Variants in GRM2 observed in about 807,000 individuals in gnomAD.
The protein encoded by GRM2 is metabotropic glutamate receptor 2.
Under a neutral mutation model 60.4 loss-of-function variants are expected in GRM2, and 35 were observed. The ratio of observed to expected loss-of-function variants is 0.58; its 90% CI spans 0.44 to 0.77. The LOEUF is 0.77. GRM2 is among the 30% of genes least tolerant of loss of function. The pLI, the probability that GRM2 is intolerant of heterozygous loss-of-function variation, is 0.00. For synonymous variants in GRM2, 437 were observed against 484.1 expected, an observed-to-expected ratio of 0.90 and a Z score of 1.28; for missense variants, 925 against 1,199.5, an observed-to-expected ratio of 0.77 and a Z score of 3.38.
Position 51,716,234 on chromosome 3 carries a change from AG to A in GRM2, c.2364+99del. On this transcript the variant is annotated intron_variant, in intron 4 of 5. Transcript: ENST00000395052. This position sits in a 1 kb window ranked among gnomAD's most constrained non-coding sequence, Gnocchi z 4.0. ...CTACTGGTAGCTCTGGGGTTCCAAG[AG>A]GATAATGCCCACTCAGGGGACCACA... The A allele has an allele frequency of 1.2e-6, 1 of 824,650 alleles. No homozygotes were observed. Among genetic ancestry groups the A allele is most frequent in the Non-Finnish European group, 2.0e-6 (1 of 510,788 alleles). The allele number at this position is 824,650 out of a possible 1,614,324, so 51.1% of individuals were successfully genotyped here. A position where few individuals can be genotyped will look rare whatever the true frequency, so the allele number is the denominator to read the frequency against.
chr3:51,707,098 C>G lies in GRM2; in HGVS notation c.-206C>G, dbSNP rs1304729678. On this transcript the variant is annotated 5_prime_UTR_variant, in exon 1 of 6. Transcript: ENST00000395052. ...CAGAGCCAGCGAGCCAGCGAGCGAG[C>G]GAGCGGGAGCCGGAGCCTCGCGCCC... is the stretch of plus-strand genomic sequence containing the variant. 6.6e-6 allele frequency: 1 copy of G among 152,488 alleles called. No homozygotes were observed. The highest frequency in any genetic ancestry group is 2.4e-5 in the African/African-American group (1 of 41,376). The allele number at this position is 152,488 out of a possible 1,614,324, so 9.4% of individuals were successfully genotyped here.
chr3:51,708,022 G>T (rs1703566890), intron 1 of GRM2: 1 of 152,234 alleles, frequency 6.6e-6, no homozygotes, highest in African/African-American at 2.4e-5. Flanking sequence ...TCTCTGCTGG[G>T]TCGGGAGTGA....
rs961808916 is a variant in GRM2, at chr3:51,713,171, T to G, written c.1149T>G (p.Asn383Lys). The stretch of plus-strand genomic sequence containing the variant: ...AGTCCAAGATCATGTTTGTGGTCAA[T>G]GCAGTGTACGCCATGGCCCATGCGC... ...EQESKIMFVV[N>K]AVYAMAHALH... The change falls in exon 3 of 6, where the codon AAT (asparagine) becomes AAG (lysine). Residue 383 changes from asparagine (N) to lysine (K), a missense_variant. By Grantham distance (94) the Asn-to-Lys change is moderately conservative (BLOSUM62 0). Transcript: ENST00000395052. The surrounding 1 kb of genome is among the most constrained non-coding windows in gnomAD (Gnocchi z 4.8). 6.2e-7 allele frequency: 1 copy of G among 1,613,192 alleles called. No individual in the cohort carries two copies.
chr3:51,715,516 C>G lies in GRM2; in HGVS notation c.1743C>G (p.Ala581=). The G allele has an allele frequency of 6.2e-7, 1 of 1,613,472 alleles. No homozygotes were observed. Residue 581 remains alanine, a synonymous_variant, in exon 4 of 6, where the codon GCC becomes GCG. Coordinates refer to ENST00000395052, the MANE Select transcript of GRM2 (RefSeq NM_000839.5). The surrounding 1 kb of genome is among the most constrained non-coding windows in gnomAD (Gnocchi z 9.0). The stretch of plus-strand genomic sequence containing the variant: ...CCATCGCCTGCCTCGGTGCCCTGGC[C>G]ACCCTCTTTGTGCTGGGTGTCTTTG... The part of the protein sequence containing the change: ...PVTIACLGAL[A]TLFVLGVFVR...
chr3:51,713,109 G>T lies in GRM2; in HGVS notation c.1087G>T (p.Ala363Ser), dbSNP rs143495329. The T allele has an allele frequency of 6.2e-7, 1 of 1,613,144 alleles. No individual in the cohort carries two copies. The highest frequency in any genetic ancestry group is 1.1e-5 in the South Asian group (1 of 91,088). The change falls in exon 3 of 6, where the codon GCA (alanine) becomes TCA (serine). Residue 363 changes from alanine to serine, a missense_variant. By Grantham distance (99) the Ala-to-Ser change is moderately conservative. Coordinates refer to ENST00000395052, the MANE Select transcript of GRM2 (RefSeq NM_000839.5). The surrounding 1 kb of genome is among the most constrained non-coding windows in gnomAD (Gnocchi z 4.8). ...FRCSFRQRDC[A>S]AHSLRAVPFE... Reference sequence around the variant, plus strand: ...CTGCAGCTTCCGGCAGCGAGACTGCGCAGCCCACTCTCTCCGGGCTGTGCC... The same window carrying T: ...CTGCAGCTTCCGGCAGCGAGACTGCTCAGCCCACTCTCTCCGGGCTGTGCC...
chr3:51,713,095 GGCAGCGAGACT>G lies in GRM2; in HGVS notation c.1076_1086del (p.Gln359ArgfsTer11), dbSNP rs1559694664. ...GAGCAGAGGTTCCGCTGCAGCTTCC[GGCAGCGAGACT>G]GCGCAGCCCACTCTCTCCGGGCTGT... On this transcript the variant is annotated frameshift_variant, in exon 3 of 6. Transcript: ENST00000395052. LOFTEE classifies it high-confidence loss of function. The surrounding 1 kb of genome is among the most constrained non-coding windows in gnomAD (Gnocchi z 4.8). 6.2e-7 allele frequency: 1 copy of G among 1,613,004 alleles called. No individual in the cohort carries two copies. The highest frequency in any genetic ancestry group is 8.5e-7 in the Non-Finnish European group (1 of 1,180,028).
chr3:51,715,656 C>T lies in GRM2; in HGVS notation c.1883C>T (p.Ser628Phe). The T allele has an allele frequency of 6.2e-7, 1 of 1,614,252 alleles. No homozygotes were observed. The highest frequency in any genetic ancestry group is 8.5e-7 in the Non-Finnish European group (1 of 1,180,040). The change falls in exon 4 of 6, where the codon TCC (serine) becomes TTC (phenylalanine). Residue 628 changes from serine to phenylalanine, a missense_variant. Physicochemically the swap from Ser to Phe is radical, Grantham distance 155. Coordinates refer to ENST00000395052, the MANE Select transcript of GRM2 (RefSeq NM_000839.5). This position sits in a 1 kb window ranked among gnomAD's most constrained non-coding sequence, Gnocchi z 9.0. ...CMTFIFIAKP[S>F]TAVCTLRRLG... ...ACCTTCATCTTCATTGCCAAGCCAT[C>T]CACGGCAGTGTGTACCTTACGGCGT...
chr3:51,713,331 C>G lies in GRM2; in HGVS notation c.1288+21C>G. 1 of 1,483,934 alleles carries G rather than the reference C, an allele frequency of 6.7e-7. No individual in the cohort carries two copies. The highest frequency in any genetic ancestry group is 9.3e-7 in the Non-Finnish European group (1 of 1,075,258). 91.9% of individuals were successfully genotyped at this position (1,483,934 alleles called of 1,614,324 possible). On this transcript the variant is annotated intron_variant, in intron 3 of 5. Coordinates refer to ENST00000395052, the MANE Select transcript of GRM2 (RefSeq NM_000839.5). This position sits in a 1 kb window ranked among gnomAD's most constrained non-coding sequence, Gnocchi z 4.8. ...TGATGGTAATGGTGTTGGCCAGTGTCCATTGGCCTGCTGGCTGTCAGAGGA... is the reference window on the plus strand; with the variant it reads ...TGATGGTAATGGTGTTGGCCAGTGTGCATTGGCCTGCTGGCTGTCAGAGGA...
At position 51,716,132 on chromosome 3, in the gene GRM2, T is replaced by G. The variant is rs751539636; in HGVS notation, c.2359T>G (p.Tyr787Asp). 6.3e-7 allele frequency: 1 copy of G among 1,598,482 alleles called. No homozygotes were observed. The highest frequency in any genetic ancestry group is 1.1e-5 in the South Asian group (1 of 90,754). Reference protein sequence around the residue: ...LPIFYVTSSDYRVQTTTMCVS... With the variant: ...LPIFYVTSSDDRVQTTTMCVS... ...CATCTTCTATGTCACCTCCAGTGAC[T>G]ACCGGGTGAGCTACCTGCCACAGAG... Residue 787 changes from tyrosine to aspartate, a missense_variant, in exon 4 of 6, where the codon TAC (tyrosine) becomes GAC (aspartate). Transcript: ENST00000395052. This position sits in a 1 kb window ranked among gnomAD's most constrained non-coding sequence, Gnocchi z 4.0.
rs753848812 is a variant in GRM2, at chr3:51,712,470, C to T, written c.451-3C>T. Reference sequence around the variant, plus strand: ...ATCTTTGCCTTCTCTACTCCTCCCCCAGGTGGCCAACCTCTTGAGGCTATT... The same window carrying T: ...ATCTTTGCCTTCTCTACTCCTCCCCTAGGTGGCCAACCTCTTGAGGCTATT... On this transcript the variant is annotated splice_polypyrimidine_tract_variant and splice_region_variant and intron_variant, in intron 2 of 5. Coordinates refer to ENST00000395052, the MANE Select transcript of GRM2 (RefSeq NM_000839.5). This position sits in a 1 kb window ranked among gnomAD's most constrained non-coding sequence, Gnocchi z 5.3. 5 of 1,601,928 alleles carry T rather than the reference C, an allele frequency of 3.1e-6. No individual in the cohort carries two copies. The highest frequency in any genetic ancestry group is 3.3e-5 in the Admixed American group (2 of 59,880).
Position 51,713,253 on chromosome 3 carries a change from C to T in GRM2, c.1231C>T (p.Arg411Trp), listed in dbSNP as rs781432416. The change falls in exon 3 of 6, where the codon CGG (arginine) becomes TGG (tryptophan). Residue 411 changes from arginine to tryptophan, a missense_variant. Transcript: ENST00000395052. The surrounding 1 kb of genome is among the most constrained non-coding windows in gnomAD (Gnocchi z 4.8). ...PNTTRLCDAM[R>W]PVNGRRLYKD... is the part of the protein sequence containing the mutation. Reference sequence around the variant, plus strand: ...CACCACCCGGCTCTGTGACGCGATGCGGCCAGTTAACGGGCGCCGCCTCTA... The same window carrying T: ...CACCACCCGGCTCTGTGACGCGATGTGGCCAGTTAACGGGCGCCGCCTCTA... 1.1e-4 allele frequency: 170 copies of T among 1,612,830 alleles called. No homozygotes were observed. Among genetic ancestry groups the T allele is most frequent in the African/African-American group, 4.0e-5 (3 of 74,946 alleles).
chr3:51,708,937 C>A lies in GRM2; in HGVS notation c.-47C>A, dbSNP rs745828708. 14 of 1,411,736 alleles carry A rather than the reference C, an allele frequency of 9.9e-6. No homozygotes were observed. The highest frequency in any genetic ancestry group is 1.3e-5 in the Non-Finnish European group (14 of 1,047,154). 87.5% of individuals were successfully genotyped at this position (1,411,736 alleles called of 1,614,324 possible). The stretch of plus-strand genomic sequence containing the variant: ...TTGCCTTCGCTGCTTCTAATCTCAT[C>A]CCCTGGAGACCCAGGTCTGCGGGAC... On this transcript the variant is annotated 5_prime_UTR_variant, in exon 2 of 6. Transcript: ENST00000395052.
Position 51,712,684 on chromosome 3 carries a change from T to C in GRM2, c.662T>C (p.Ile221Thr). 1 of 1,614,068 alleles carries C rather than the reference T, an allele frequency of 6.2e-7. No homozygotes were observed. Among genetic ancestry groups the C allele is most frequent in the South Asian group, 1.1e-5 (1 of 91,084 alleles). Residue 221 changes from isoleucine (I) to threonine (T), a missense_variant, in exon 3 of 6, where the codon ATT (isoleucine) becomes ACT (threonine). By Grantham distance (89) the Ile-to-Thr change is moderately conservative (BLOSUM62 -1). Transcript: ENST00000395052. This position sits in a 1 kb window ranked among gnomAD's most constrained non-coding sequence, Gnocchi z 5.3. ...GAGGGCGACTATGGCGAGACAGGCA[T>C]TGAGGCCTTTGAGCTAGAGGCTCGT... ...ASEGDYGETG[I>T]EAFELEARAR...
Position 51,718,026 on chromosome 3 carries a change from T to C in GRM2, c.2546-13T>C, listed in dbSNP as rs1297173496. The C allele has an allele frequency of 6.2e-7, 1 of 1,613,550 alleles. No homozygotes were observed. The highest frequency in any genetic ancestry group is 1.7e-5 in the Admixed American group (1 of 60,000). On this transcript the variant is annotated splice_polypyrimidine_tract_variant and intron_variant, in intron 5 of 5. Transcript: ENST00000395052. The surrounding 1 kb of genome is among the most constrained non-coding windows in gnomAD (Gnocchi z 4.2). ...CTCGGGATTGGCCCCAACCTCTGGC[T>C]TCCTTTTCTTAGGGTCTGGCTCCCA...
rs990264288 is a variant in GRM2, at chr3:51,713,628, C to G, written c.1288+318C>G. 6 of 377,760 alleles carry G rather than the reference C, an allele frequency of 1.6e-5. No individual in the cohort carries two copies. Among genetic ancestry groups the G allele is most frequent in the Non-Finnish European group, 2.9e-5 (6 of 208,386 alleles). 23.4% of individuals were successfully genotyped at this position (377,760 alleles called of 1,614,324 possible). A position where few individuals can be genotyped will look rare whatever the true frequency, so the allele number is the denominator to read the frequency against. On this transcript the variant is annotated intron_variant, in intron 3 of 5. Transcript: ENST00000395052. The surrounding 1 kb of genome is among the most constrained non-coding windows in gnomAD (Gnocchi z 4.8). ...AAGGTGGAGACCAGGAGACCTCAAG[C>G]CCATTCTCAGGCAGCACCAAGAGTT...
rs1703907368 is a variant in GRM2 at position 51,716,704 on chromosome 3, C to T, written c.2364+567C>T. ...CCTCTCTGAGGAGGTGACAGATGAG[C>T]TATGTTCTGAGTAAGAAGATTATCT... On this transcript the variant is annotated intron_variant, in intron 4 of 5. Transcript: ENST00000395052. This position sits in a 1 kb window ranked among gnomAD's most constrained non-coding sequence, Gnocchi z 4.0. Among the ~76,000 whole-genome samples the T allele has an allele frequency of 6.6e-6, 1 of 152,166 alleles. No individual in the cohort carries two copies. The highest frequency in any genetic ancestry group is 2.4e-5 in the African/African-American group (1 of 41,426).
chr3:51,713,619 G>A lies in GRM2; in HGVS notation c.1288+309G>A. The A allele has an allele frequency of 2.5e-6, 1 of 397,110 alleles. No homozygotes were observed. Among genetic ancestry groups the A allele is most frequent in the African/African-American group, 2.0e-5 (1 of 49,790 alleles). The allele number at this position is 397,110 out of a possible 1,614,324, so 24.6% of individuals were successfully genotyped here. A position where few individuals can be genotyped will look rare whatever the true frequency, so the allele number is the denominator to read the frequency against. On this transcript the variant is annotated intron_variant, in intron 3 of 5. Coordinates refer to ENST00000395052, the MANE Select transcript of GRM2 (RefSeq NM_000839.5). The surrounding 1 kb of genome is among the most constrained non-coding windows in gnomAD (Gnocchi z 4.8). The stretch of plus-strand genomic sequence containing the variant: ...ATCTTGCCAAAGGTGGAGACCAGGA[G>A]ACCTCAAGCCCATTCTCAGGCAGCA...
rs1703889235 is a variant in GRM2, at chr3:51,716,059, T to C, written c.2286T>C (p.Ile762=). ...AAAACTTCAACGAGGCCAAGTTCAT[T>C]GGCTTCACCATGTACACCACCTGCA... ...CPENFNEAKF[I]GFTMYTTCII... The change falls in exon 4 of 6, where the codon ATT becomes ATC. Residue 762 remains isoleucine (I), a synonymous_variant. Coordinates refer to ENST00000395052, the MANE Select transcript of GRM2 (RefSeq NM_000839.5). This position sits in a 1 kb window ranked among gnomAD's most constrained non-coding sequence, Gnocchi z 4.0. 5 of 1,614,252 alleles carry C rather than the reference T, an allele frequency of 3.1e-6. No homozygotes were observed. The highest frequency in any genetic ancestry group is 2.2e-5 in the South Asian group (2 of 91,086).
rs1322578540 is a variant in GRM2 at position 51,715,737 on chromosome 3, A to G, written c.1964A>G (p.Asn655Ser). 6.2e-7 allele frequency: 1 copy of G among 1,614,062 alleles called. No homozygotes were observed. Among genetic ancestry groups the G allele is most frequent in the Non-Finnish European group, 8.5e-7 (1 of 1,179,920 alleles). The change falls in exon 4 of 6, where the codon AAC becomes AGC. Residue 655 changes from asparagine (N) to serine (S), a missense_variant. Transcript: ENST00000395052. The surrounding 1 kb of genome is among the most constrained non-coding windows in gnomAD (Gnocchi z 9.0). ...VCYSALLTKT[N>S]RIARIFGGAR... ...TACTCAGCCCTGCTCACCAAGACCA[A>G]CCGCATTGCACGCATCTTCGGTGGG...
Sources: allele counts gnomAD v4.1 joint callset (sites outside exome capture counted in the v4.1 genomes callset), GRCh38; gene constraint gnomAD v4.1.1; non-coding constraint Gnocchi (gnomAD v3.1); transcripts MANE v1.5; gene names NCBI Gene and HGNC (gene_info 2026-07-23, HGNC 2026-07-21).